TMPRSS15: variants seen among roughly 807,000 people sequenced by gnomAD.
TMPRSS15 encodes the protein enteropeptidase.
In TMPRSS15, 128 loss-of-function variants were observed where a neutral mutation model predicts 125.3. That is an observed-to-expected ratio of 1.02 (90% CI 0.89 to 1.18). TMPRSS15 has a LOEUF of 1.18. Ranked by LOEUF, TMPRSS15 falls within the 50% of genes most tolerant of loss-of-function variation. The pLI is 0.00. For synonymous variants in TMPRSS15, 446 were observed against 423.2 expected, an observed-to-expected ratio of 1.05 and a Z score of -0.66; for missense variants, 1,283 against 1,212.7, an observed-to-expected ratio of 1.06 and a Z score of -0.86.
At position 18,403,356 on chromosome 21, in the gene TMPRSS15, A is replaced by C; in HGVS notation, c.145+122T>G. The C allele has an allele frequency of 6.8e-6, 9 of 1,325,320 alleles. No individual in the cohort carries two copies. The South Asian group carries it at 1.1e-4, about 16-fold the overall frequency. The allele number at this position is 1,325,320 out of a possible 1,614,324, so 82.1% of individuals were successfully genotyped here. On this transcript the variant is annotated intron_variant, in intron 1 of 24. Transcript: ENST00000284885. ...CATGAAGATTAATTTGAAATATTAG[A>C]TTGAAAGCCCAAAATAATGCATTTA...
At chr21:18,341,709 C>A (rs923532695) in intron 12 of TMPRSS15, among the ~76,000 whole-genome samples, 161 bp from the exon 13 acceptor site, 2 of 152,126 alleles carry the variant, frequency 1.3e-5, no homozygotes, top group African/African-American at 4.8e-5. Context: ...CTTGACAGAT[C>A]ATGCTTTTTA....
chr21:18,303,741 G>T (rs545404505), intron 18 of TMPRSS15, among the ~76,000 whole-genome samples: 3 of 152,196 alleles, frequency 2.0e-5, no homozygotes, highest in Admixed American at 6.5e-5. Flanking sequence ...CAGATGATTT[G>T]TAATTGTGCC....
intron 10 of TMPRSS15, among the ~76,000 whole-genome samples, chr21:18,347,811 T>C (rs1189399304): frequency 3.3e-5 from 5 of 152,166 alleles, no homozygotes; most frequent in African/African-American, 1.2e-4. Context: ...TCTAGAGCTC[T>C]TAGAATCAAT....
chr21:18,376,219 T>G (rs1176424510), intron 5 of TMPRSS15, among the ~76,000 whole-genome samples: 3 of 152,128 alleles, frequency 2.0e-5, no homozygotes, highest in Non-Finnish European at 4.4e-5. Flanking sequence ...TTTTAAATTT[T>G]ATTGTAAGCA....
intron 16 of TMPRSS15, among the ~76,000 whole-genome samples, chr21:18,320,811 C>T (rs1303074220): frequency 6.6e-6 from 1 of 152,230 alleles, no homozygotes; most frequent in Admixed American, 6.5e-5. Context: ...AGTTCAGCTT[C>T]ATTAAGCAGT....
intron 1 of TMPRSS15, among the ~76,000 whole-genome samples, chr21:18,450,547 A>G (rs1368974894): frequency 3.9e-5 from 6 of 152,170 alleles, no homozygotes; most frequent in Non-Finnish European, 1.5e-5. Flanking sequence ...AAGGAGGTTC[A>G]ACTTTGAATG....
At chr21:18,317,317 G>A (rs1328017417) in intron 16 of TMPRSS15, among the ~76,000 whole-genome samples, 1 of 151,460 alleles carries the variant, frequency 6.6e-6, no homozygotes, top group East Asian at 1.9e-4. Flanking sequence ...TATACTTATT[G>A]AAAAAAATAC....
At chr21:18,314,176 A>G (rs987595623) in intron 17 of TMPRSS15, among the ~76,000 whole-genome samples, 3 of 152,200 alleles carry the variant, frequency 2.0e-5, no homozygotes, top group Non-Finnish European at 4.4e-5. Context: ...GAATTATACA[A>G]ACGTAGGTTC....
intron 3 of TMPRSS15, among the ~76,000 whole-genome samples, chr21:18,395,923 C>T (rs968391468): frequency 3.9e-5 from 6 of 152,154 alleles, no homozygotes; most frequent in Admixed American, 1.3e-4. Context: ...AGGCTGTTGT[C>T]CTCTGCTATT....
intron 18 of TMPRSS15, among the ~76,000 whole-genome samples, chr21:18,308,013 C>T (rs187253852): frequency 7.9e-5 from 12 of 152,206 alleles, no homozygotes; most frequent in East Asian, 5.8e-4. Flanking sequence ...GGCACTTGGG[C>T]GCATCAATTG....
At chr21:18,407,448 C>CT (rs201740388), upstream of TMPRSS15, among the ~76,000 whole-genome samples, 4,979 of 133,046 alleles carry the variant, frequency 0.037, 170 homozygotes, top group African/African-American at 0.073. Flanking sequence ...TTTTTCTTTT[C>CT]TTTTTTTTTT....
intron 16 of TMPRSS15, among the ~76,000 whole-genome samples, chr21:18,325,615 T>C (rs576616507): frequency 6.6e-6 from 1 of 151,918 alleles, no homozygotes; most frequent in Non-Finnish European, 1.5e-5. Flanking sequence ...TCTCTTCCTA[T>C]GGAAGAGAAA....
chr21:18,447,650 A>C (rs1354279811), intron 1 of TMPRSS15, among the ~76,000 whole-genome samples: 2 of 151,932 alleles, frequency 1.3e-5, no homozygotes, highest in Non-Finnish European at 2.9e-5. Context: ...ACAGTGAGTG[A>C]GTTCTTATGA....
At chr21:18,280,588 A>AAAACAAAAAC (rs1568979244) in intron 22 of TMPRSS15, among the ~76,000 whole-genome samples, 2 of 145,992 alleles carry the variant, frequency 1.4e-5, no homozygotes, top group African/African-American at 5.4e-5. Flanking sequence ...AAAAAAAAAA[A>AAAACAAAAAC]AAAAAAACAA....
chr21:18,339,122 T>C (rs1163421483), intron 13 of TMPRSS15, among the ~76,000 whole-genome samples: 2 of 152,204 alleles, frequency 1.3e-5, no homozygotes, highest in Non-Finnish European at 2.9e-5. Context: ...TGGTTATTGC[T>C]ACATCTTACA....
At chr21:18,330,922 A>G (rs1037995487) in intron 14 of TMPRSS15, among the ~76,000 whole-genome samples, 3 of 151,924 alleles carry the variant, frequency 2.0e-5, no homozygotes, top group African/African-American at 7.3e-5. Flanking sequence ...AATACAAAAA[A>G]ATTAGCGGGG....
At position 18,383,750 on chromosome 21, in the gene TMPRSS15, G is replaced by T; in HGVS notation, c.373C>A (p.Leu125Ile). 6.2e-7 allele frequency: 1 copy of T among 1,613,570 alleles called. No homozygotes were observed. The highest frequency in any genetic ancestry group is 8.5e-7 in the Non-Finnish European group (1 of 1,179,772). The change falls in exon 4 of 25, where the codon CTT (leucine) becomes ATT (isoleucine). Residue 125 changes from leucine to isoleucine, a missense_variant. Physicochemically the swap from Leu to Ile is conservative, Grantham distance 5. Coordinates refer to ENST00000284885, the MANE Select transcript of TMPRSS15 (RefSeq NM_002772.3). ...TCTGACACCCACTGGGCAAAGAAAA[G>T]GTCAAATACGACTATAATGCTGCCA... ...ENGSIIVVFD[L>I]FFAQWVSDEN...
chr21:18,393,600 T>C (rs1831244162), intron 3 of TMPRSS15, among the ~76,000 whole-genome samples: 1 of 152,174 alleles, frequency 6.6e-6, no homozygotes, highest in Non-Finnish European at 1.5e-5. Flanking sequence ...TCTTGCACTA[T>C]CACACAAACT....
rs568588216 is a variant in TMPRSS15 at position 18,473,263 on chromosome 21, A to G, written c.10+12536T>C. On this transcript the variant is annotated intron_variant, in intron 1 of 7. Coordinates refer to the TMPRSS15 transcript ENST00000422787. The stretch of plus-strand genomic sequence containing the variant: ...GTCATTGGCCAAAGGGAAAAATAGT[A>G]TGATTTATTTTAAAATTTAGTTAGT... Among the ~76,000 whole-genome samples the G allele has an allele frequency of 3.2e-4, 49 of 152,238 alleles. 1 individual carries two copies. In the South Asian group the frequency reaches 9.7e-3, roughly 30 times the overall value.
Sources: allele counts gnomAD v4.1 joint callset (sites outside exome capture counted in the v4.1 genomes callset), GRCh38; gene constraint gnomAD v4.1.1; transcripts MANE v1.5; gene names NCBI Gene and HGNC (gene_info 2026-07-23, HGNC 2026-07-21).